The following KCNH1 variants were observed in gnomAD, a reference collection of about 807,000 sequenced individuals.
The protein encoded by KCNH1 is potassium voltage-gated channel subfamily H member 1, also known as voltage-gated delayed rectifier potassium channel KCNH1.
In KCNH1, 27 loss-of-function variants were observed where a neutral mutation model predicts 69.2. The observed-to-expected ratio is 0.39, with a 90% CI of 0.29 to 0.54. The LOEUF is 0.54. Among genes scored for constraint, KCNH1 ranks in the 20% least tolerant of loss-of-function variants. The pLI is 0.68. For synonymous variants in KCNH1, 456 were observed against 487.7 expected (o/e 0.93, Z 0.86); for missense variants, 798 against 1,261.6 (o/e 0.63, Z 5.57).
intron 10 of KCNH1, among the ~76,000 whole-genome samples, chr1:210,734,065 G>T (rs1008242205): frequency 5.3e-5 from 8 of 151,974 alleles, no homozygotes; most frequent in African/African-American, 1.9e-4. Context: ...TCTGTCCATG[G>T]TTCTAGCAGG....
At chr1:211,064,989 A>C (rs1690502493) in intron 5 of KCNH1, among the ~76,000 whole-genome samples, 1 of 152,232 alleles carries the variant, frequency 6.6e-6, no homozygotes, top group African/African-American at 2.4e-5. Context: ...AAAGATAAGC[A>C]TTGGAGAAGA....
intron 5 of KCNH1, among the ~76,000 whole-genome samples, chr1:211,032,756 T>C (rs1689813345): frequency 6.6e-6 from 1 of 152,170 alleles, no homozygotes; most frequent in African/African-American, 2.4e-5. Flanking sequence ...TATACGAACA[T>C]TAATTCAAGA....
intron 5 of KCNH1, among the ~76,000 whole-genome samples, chr1:211,058,117 T>C (rs925144183): frequency 6.6e-6 from 1 of 152,038 alleles, no homozygotes. Context: ...CCAACAAAAA[T>C]ATTCTTCAAA....
rs1685921571 is a variant in KCNH1, at chr1:210,859,242, A to G, written c.1463-55076T>C. On this transcript the variant is annotated intron_variant, in intron 7 of 10. Transcript: ENST00000271751. ...GGCACAACTGGAGCACTGAATTTGT[A>G]TCCTCCATGCTTCTCAATCATTTTG... is the stretch of plus-strand genomic sequence containing the variant. The G allele has an allele frequency of 3.1e-6, 5 of 1,612,090 alleles. No homozygotes were observed. The South Asian group carries it at 5.5e-5, about 18-fold the overall frequency.
intron 6 of KCNH1, among the ~76,000 whole-genome samples, chr1:210,960,796 G>A (rs1688277957): frequency 6.6e-6 from 1 of 151,984 alleles, no homozygotes; most frequent in South Asian, 2.1e-4. Context: ...TCACATAATA[G>A]GTATATATTT....
In KCNH1 at chr1:210,683,789, C is replaced by T. The variant is rs775759879; in HGVS notation, c.2462G>A (p.Cys821Tyr). Reference sequence around the variant, plus strand: ...GCCCCCGCCCCCCTTGGGGCCCAGGCACTCGGACCCTGGCGCCTGTAGCTT... The same window carrying T: ...GCCCCCGCCCCCCTTGGGGCCCAGGTACTCGGACCCTGGCGCCTGTAGCTT... ...HAKLQAPGSE[C>Y]LGPKGGGGDC... is the part of the protein sequence containing the mutation. Residue 821 changes from cysteine to tyrosine, a missense_variant, in exon 11 of 11, where the codon TGC becomes TAC. By Grantham distance (194) the Cys-to-Tyr change is radical (BLOSUM62 -2). Transcript: ENST00000271751. The surrounding 1 kb of genome is among the most constrained non-coding windows in gnomAD (Gnocchi z 5.7). 28 of 1,613,670 alleles carry T rather than the reference C, an allele frequency of 1.7e-5. No individual in the cohort carries two copies. Among genetic ancestry groups the T allele is most frequent in the Non-Finnish European group, 2.3e-5 (27 of 1,180,046 alleles).
At chr1:210,954,578 CTT>C (rs1192090251) in intron 6 of KCNH1, among the ~76,000 whole-genome samples, 1 of 152,168 alleles carries the variant, frequency 6.6e-6, no homozygotes, top group Non-Finnish European at 1.5e-5. Flanking sequence ...TGTTTCCTGA[CTT>C]TTTAATGATC....
chr1:211,049,195 A>T (rs1446612440), intron 5 of KCNH1, among the ~76,000 whole-genome samples: 2 of 152,220 alleles, frequency 1.3e-5, no homozygotes, highest in African/African-American at 4.8e-5. Context: ...GTGTAAACAA[A>T]TTATTAAAAT....
intron 5 of KCNH1, among the ~76,000 whole-genome samples, chr1:211,060,831 T>C (rs187566352): frequency 6.6e-6 from 1 of 152,124 alleles, no homozygotes; most frequent in East Asian, 1.9e-4. Context: ...AAGTCTCCCA[T>C]CAAAGAAAAG....
At chr1:210,806,855 A>ATATATATATATATATATATAT (rs1553346606) in intron 7 of KCNH1, among the ~76,000 whole-genome samples, 22 of 127,306 alleles carry the variant, frequency 1.7e-4, no homozygotes, top group Non-Finnish European at 2.8e-4. Flanking sequence ...ATATATATAT[A>ATATATATATATATATATATAT]AATTTGCCGG....
intron 7 of KCNH1, among the ~76,000 whole-genome samples, chr1:210,916,187 A>G (rs1687329200): frequency 6.6e-6 from 1 of 152,200 alleles, no homozygotes; most frequent in African/African-American, 2.4e-5. Flanking sequence ...AAAAAGGGTA[A>G]AAGAGAACTC....
At chr1:210,908,501 G>A (rs1056947418) in intron 7 of KCNH1, among the ~76,000 whole-genome samples, 12 of 152,246 alleles carry the variant, frequency 7.9e-5, no homozygotes, top group African/African-American at 2.2e-4. Flanking sequence ...CCTGTGCCCC[G>A]CCTCTCTGCT....
chr1:210,968,128 T>C (rs376752855), intron 6 of KCNH1, among the ~76,000 whole-genome samples: 1 of 150,828 alleles, frequency 6.6e-6, no homozygotes, highest in Non-Finnish European at 1.5e-5. Context: ...TTTGGTTTTT[T>C]GTTCTTGCGA....
intron 1 of KCNH1, among the ~76,000 whole-genome samples, chr1:211,114,949 GTTTT>G (rs1691539995): frequency 2.0e-5 from 3 of 151,848 alleles, no homozygotes; most frequent in Non-Finnish European, 4.4e-5. Context: ...GTGGGAGTTG[GTTTT>G]TTGTTTGTTT....
intron 7 of KCNH1, among the ~76,000 whole-genome samples, chr1:210,812,130 G>T (rs1684715583): frequency 1.3e-5 from 2 of 152,172 alleles, no homozygotes; most frequent in South Asian, 4.1e-4. Flanking sequence ...AGAATATGTT[G>T]TCAAGCTGTA....
chr1:210,763,334 C>T (rs985968714), intron 10 of KCNH1, among the ~76,000 whole-genome samples: 1 of 152,102 alleles, frequency 6.6e-6, no homozygotes, highest in Admixed American at 6.5e-5. Flanking sequence ...TGTTCACTCT[C>T]ATCACTCCTA....
At chr1:210,966,319 C>T (rs1400364399) in intron 6 of KCNH1, among the ~76,000 whole-genome samples, 2 of 152,150 alleles carry the variant, frequency 1.3e-5, no homozygotes, top group Non-Finnish European at 2.9e-5. Flanking sequence ...AGGACATAGG[C>T]ATGGGCAAAG....
intron 6 of KCNH1, among the ~76,000 whole-genome samples, chr1:210,937,604 G>A (rs1308360091): frequency 2.0e-5 from 3 of 152,126 alleles, no homozygotes; most frequent in Admixed American, 6.6e-5. Flanking sequence ...TTTATCAGCT[G>A]TGTATGTTAC....
At position 210,683,641 on chromosome 1, in the gene KCNH1, G is replaced by A. The variant is rs140491301; in HGVS notation, c.2610C>T (p.Gly870=). Residue 870 remains glycine, a synonymous_variant, in exon 11 of 11, where the codon GGC becomes GGT. Transcript: ENST00000271751. The surrounding 1 kb of genome is among the most constrained non-coding windows in gnomAD (Gnocchi z 5.7). ...ETLPERTKAS[G]EATLKKTDSC... ...AGTCTGTCTTCTTCAGTGTGGCCTC[G>A]CCTGACGCTTTTGTCCTCTCGGGAA... 3.4e-4 allele frequency: 547 copies of A among 1,614,162 alleles called. No individual in the cohort carries two copies. Among genetic ancestry groups the A allele is most frequent in the East Asian group, 3.8e-4 (17 of 44,878 alleles).
Sources: gnomAD v4.1 joint callset for allele counts (sites outside exome capture counted in the v4.1 genomes callset) on GRCh38, gnomAD v4.1.1 for gene constraint, Gnocchi (gnomAD v3.1) non-coding constraint, MANE v1.5 for transcripts, NCBI Gene and HGNC (gene_info 2026-07-23, HGNC 2026-07-21) for gene names.